Variants in CEP112 observed in about 807,000 individuals in gnomAD.
CEP112 encodes centrosomal protein 112, also known as centrosomal protein of 112 kDa.
In CEP112, 127 loss-of-function variants were observed where a neutral mutation model predicts 153.0. That is an observed-to-expected ratio of 0.83 (90% CI 0.72 to 0.96). The LOEUF is 0.96. Ranked by LOEUF, CEP112 falls within the 40% of genes least tolerant of loss-of-function variation. The pLI is 0.00. For missense variants in CEP112, 1,089 were observed against 1,101.2 expected, an observed-to-expected ratio of 0.99 and a Z score of 0.16; for synonymous variants, 358 against 374.4, an observed-to-expected ratio of 0.96 and a Z score of 0.51.
intron 4 of CEP112, among the ~76,000 whole-genome samples, chr17:66,171,045 G>A (rs1264355782): frequency 6.6e-6 from 1 of 152,120 alleles, no homozygotes; most frequent in Non-Finnish European, 1.5e-5. Flanking sequence ...GCCAGATGGA[G>A]TATGACCTCA....
chr17:66,064,350 T>TTATATAAA (rs2067035890), intron 10 of CEP112, among the ~76,000 whole-genome samples: 1 of 152,202 alleles, frequency 6.6e-6, no homozygotes, highest in Non-Finnish European at 1.5e-5. Context: ...AAATAGGTTT[T>TTATATAAA]AAATTATATA....
chr17:65,950,195 T>A (rs1211317645), intron 18 of CEP112, among the ~76,000 whole-genome samples: 9 of 152,176 alleles, frequency 5.9e-5, no homozygotes, highest in African/African-American at 2.2e-4. Flanking sequence ...GGAAAATAGC[T>A]TATTGCTGTT....
chr17:65,821,222 G>C (rs1277449047), intron 21 of CEP112, among the ~76,000 whole-genome samples: 2 of 151,600 alleles, frequency 1.3e-5, no homozygotes, highest in East Asian at 3.9e-4. Context: ...AAATTGATTA[G>C]TGTACTCTAA....
intron 21 of CEP112, among the ~76,000 whole-genome samples, chr17:65,813,071 T>C (rs1056981311): frequency 6.6e-6 from 1 of 152,166 alleles, no homozygotes; most frequent in Non-Finnish European, 1.5e-5. Flanking sequence ...GAGCATTTCC[T>C]CTGAATCCAG....
At chr17:65,998,747 T>C (rs893932275) in intron 17 of CEP112, among the ~76,000 whole-genome samples, 2 of 152,112 alleles carry the variant, frequency 1.3e-5, no homozygotes, top group African/African-American at 2.4e-5. Flanking sequence ...CTCTCAATAA[T>C]CTTAGAGGGA....
intron 6 of CEP112, among the ~76,000 whole-genome samples, chr17:66,118,979 T>A (rs773730623): frequency 2.6e-5 from 4 of 151,804 alleles, no homozygotes; most frequent in Non-Finnish European, 4.4e-5. Context: ...ATAAAGAAAA[T>A]GTGGTACATA....
chr17:65,956,405 T>TAC (rs535606142), intron 18 of CEP112, among the ~76,000 whole-genome samples: 3 of 144,966 alleles, frequency 2.1e-5, no homozygotes, highest in South Asian at 2.3e-4. Flanking sequence ...TATACATACA[T>TAC]ACATACACAC....
chr17:65,846,886 C>A (rs1312597590), intron 21 of CEP112, among the ~76,000 whole-genome samples: 2 of 152,186 alleles, frequency 1.3e-5, no homozygotes, highest in Admixed American at 1.3e-4. Flanking sequence ...AGGCACCATG[C>A]AAGCTCCTGG....
At chr17:65,995,967 G>A (rs550963069) in intron 17 of CEP112, among the ~76,000 whole-genome samples, 1 of 152,242 alleles carries the variant, frequency 6.6e-6, no homozygotes, top group East Asian at 1.9e-4. Flanking sequence ...GGCCTCCCCA[G>A]CCACATGGAA....
intron 21 of CEP112, among the ~76,000 whole-genome samples, chr17:65,772,687 G>A (rs2053440265): frequency 1.3e-5 from 2 of 151,966 alleles, no homozygotes; most frequent in South Asian, 4.2e-4. Flanking sequence ...TTACTTTGAG[G>A]ACCTTCTCCG....
intron 23 of CEP112, among the ~76,000 whole-genome samples, chr17:65,692,307 C>T (rs556162350): frequency 1.2e-4 from 18 of 148,064 alleles, no homozygotes; most frequent in African/African-American, 4.3e-4. Flanking sequence ...CGACTCATTG[C>T]GACCTCCACC....
At chr17:65,774,585 G>A (rs1171719991) in intron 21 of CEP112, among the ~76,000 whole-genome samples, 1 of 152,222 alleles carries the variant, frequency 6.6e-6, no homozygotes, top group African/African-American at 2.4e-5. Flanking sequence ...CAGCACGGAT[G>A]TAGCCAAAAT....
At chr17:65,986,083 T>G (rs2063396319) in intron 17 of CEP112, among the ~76,000 whole-genome samples, 1 of 151,954 alleles carries the variant, frequency 6.6e-6, no homozygotes, top group African/African-American at 2.4e-5. Flanking sequence ...TAAGAATAGC[T>G]CTAGGTTTCA....
chr17:65,742,739 A>C (rs2051206620), intron 23 of CEP112, among the ~76,000 whole-genome samples: 2 of 148,018 alleles, frequency 1.4e-5, no homozygotes, highest in Admixed American at 1.3e-4. Flanking sequence ...AACAGCCAGC[A>C]GTGCTGGGCT....
At chr17:65,846,523 A>C (rs1246462798) in intron 21 of CEP112, among the ~76,000 whole-genome samples, 2 of 152,186 alleles carry the variant, frequency 1.3e-5, no homozygotes, top group African/African-American at 4.8e-5. Flanking sequence ...CCAGGCACAG[A>C]GGCTATCTTG....
intron 14 of CEP112, 101 bp downstream of exon 14, chr17:66,029,022 A>G: frequency 3.4e-6 from 3 of 891,998 alleles, no homozygotes; most frequent in South Asian, 4.0e-5. Context: ...AGTGAAAGAG[A>G]GATTAATTTC....
intron 21 of CEP112, among the ~76,000 whole-genome samples, chr17:65,825,456 C>G (rs543077788): frequency 1.6e-4 from 25 of 152,224 alleles, no homozygotes; most frequent in African/African-American, 5.8e-4. Context: ...AGGTACGGGT[C>G]TGCAGCCCAG....
At chr17:66,023,341 G>GA (rs961897210) in intron 16 of CEP112, among the ~76,000 whole-genome samples, 49 of 151,758 alleles carry the variant, frequency 3.2e-4, no homozygotes, top group Non-Finnish European at 4.9e-4. Flanking sequence ...CACCTATTAA[G>GA]AAAAAAAACA....
intron 19 of CEP112, among the ~76,000 whole-genome samples, chr17:65,905,937 T>G (rs1280672289): frequency 6.6e-6 from 1 of 150,714 alleles, no homozygotes; most frequent in Non-Finnish European, 1.5e-5. Context: ...AGGGCCAGAC[T>G]CCGTCTCAAA....
Sources: allele counts gnomAD v4.1 joint callset (sites outside exome capture counted in the v4.1 genomes callset), GRCh38; gene constraint gnomAD v4.1.1; transcripts MANE v1.5; gene names NCBI Gene and HGNC (gene_info 2026-07-23, HGNC 2026-07-21).